The following RYR1 variants were observed in gnomAD, a reference collection of about 807,000 sequenced individuals.
The protein encoded by RYR1 is ryanodine receptor 1, also known as central core disease of muscle.
RYR1 carries 342 observed loss-of-function variants against 583.5 expected under a neutral mutation model. The observed-to-expected ratio is 0.59, with a 90% CI of 0.54 to 0.64. RYR1 has a LOEUF of 0.64. Ranked by LOEUF, RYR1 falls within the 30% of genes least tolerant of loss-of-function variation. The pLI, the probability that RYR1 is intolerant of heterozygous loss-of-function variation, is 0.00. For missense variants in RYR1, 6,032 were observed against 6,917.2 expected (o/e 0.87, Z 4.54); for synonymous variants, 2,791 against 2,822.5 (o/e 0.99, Z 0.35).
intron 29 of RYR1, among the ~76,000 whole-genome samples, chr19:38,476,632 T>A (rs776829688): frequency 3.9e-5 from 6 of 152,132 alleles, no homozygotes; most frequent in Non-Finnish European, 8.8e-5. Context: ...CGCGTTCGGC[T>A]GTAGATTCTT....
rs372468731 is a variant in RYR1, at chr19:38,464,706, A to T, written c.2854A>T (p.Thr952Ser). ...GAAGGCGGAGGACAACCTGAAGAAG[A>T]CAAAACTCCCCAAGACGTGAGTGTG... ...DEKAEDNLKK[T>S]KLPKTYMMSN... is the part of the protein sequence containing the mutation. Residue 952 changes from threonine (T) to serine (S), a missense_variant, in exon 23 of 106, where the codon ACA becomes TCA. Physicochemically the swap from Thr to Ser is moderately conservative, Grantham distance 58 (BLOSUM62 1). This residue lies in a region of RYR1 where 2,627 missense variants were observed against 2,961.3 expected (regional missense o/e 0.89). Transcript: ENST00000359596. 6.9e-6 allele frequency: 11 copies of T among 1,588,220 alleles called. No homozygotes were observed. The African/African-American group carries it at 1.5e-4, about 21-fold the overall frequency.
rs750516506 is a variant in RYR1, at chr19:38,525,402, T to C, written c.10526T>C (p.Leu3509Pro). 7 of 1,613,850 alleles carry C rather than the reference T, an allele frequency of 4.3e-6. No individual in the cohort carries two copies. In the African/African-American group the frequency reaches 8.0e-5, roughly 18 times the overall value. The change falls in exon 71 of 106, where the codon CTG (leucine) becomes CCG (proline). Residue 3509 changes from leucine (L) to proline (P), a missense_variant. Coordinates refer to ENST00000359596, the MANE Select transcript of RYR1 (RefSeq NM_000540.3). ...GACCGGTACTCTGTGCAGACGTCAC[T>C]GATCGTGGCCACACTGAAGAAGATG... ...RGDRYSVQTS[L>P]IVATLKKMLP...
intron 18 of RYR1, among the ~76,000 whole-genome samples, chr19:38,458,831 GC>G (rs1276000229): frequency 6.6e-6 from 1 of 152,098 alleles, no homozygotes; most frequent in Non-Finnish European, 1.5e-5. Flanking sequence ...CACCACATTG[GC>G]CAGGCTGGTC....
intron 96 of RYR1, among the ~76,000 whole-genome samples, chr19:38,574,118 G>A (rs1325914994): frequency 6.6e-6 from 1 of 152,094 alleles, no homozygotes; most frequent in South Asian, 2.1e-4. Flanking sequence ...ACAAAAAGTA[G>A]GCATGGTGGT....
rs1243720288 is a variant in RYR1, at chr19:38,543,089, G to A, written c.11690-258G>A. The stretch of plus-strand genomic sequence containing the variant: ...ACTCCTGACCTCAGGTGATCTGCCT[G>A]CCTGGGCCTCCCAAAGTGCTGGAAT... On this transcript the variant is annotated intron_variant, in intron 84 of 105. Transcript: ENST00000359596. This position sits in a 1 kb window ranked among gnomAD's most constrained non-coding sequence, Gnocchi z 4.4. Among the ~76,000 whole-genome samples the A allele has an allele frequency of 1.3e-5, 2 of 150,950 alleles. No homozygotes were observed. Among genetic ancestry groups the A allele is most frequent in the East Asian group, 4.0e-4 (2 of 5,054 alleles).
chr19:38,485,775 G>A lies in RYR1; in HGVS notation c.5120G>A (p.Arg1707His), dbSNP rs371566475. 5.0e-6 allele frequency: 8 copies of A among 1,613,072 alleles called. No individual in the cohort carries two copies. Among genetic ancestry groups the A allele is most frequent in the African/African-American group, 2.7e-5 (2 of 74,932 alleles). Residue 1707 changes from arginine to histidine, a missense_variant, in exon 34 of 106, where the codon CGC becomes CAC. This residue lies in a region of RYR1 where 2,627 missense variants were observed against 2,961.3 expected (regional missense o/e 0.89). Coordinates refer to ENST00000359596, the MANE Select transcript of RYR1 (RefSeq NM_000540.3). The part of the protein sequence containing the change: ...LEDAHLPGPL[R>H]AGYYDLLISI... ...GACGCGCACCTGCCAGGCCCACTGC[G>A]CGCAGGCTACTATGACCTCCTCATC...
intron 93 of RYR1, among the ~76,000 whole-genome samples, chr19:38,570,389 T>C (rs1973660623): frequency 6.6e-6 from 1 of 152,028 alleles, no homozygotes; most frequent in East Asian, 1.9e-4. Flanking sequence ...GCGGCAGAGG[T>C]TGCAGTGAGC....
At chr19:38,504,198 T>C (rs753497534) in intron 49 of RYR1, 22 bp from the exon 50 acceptor site, 1 of 1,601,862 alleles carries the variant, frequency 6.2e-7, no homozygotes, top group Non-Finnish European at 8.5e-7. Flanking sequence ...CATTTGTGTG[T>C]CCCCCTCTTG....
rs763042731 is a variant in RYR1, at chr19:38,548,356, C to T, written c.12218C>T (p.Ser4073Phe). The T allele has an allele frequency of 3.7e-6, 6 of 1,614,066 alleles. No homozygotes were observed. Among genetic ancestry groups the T allele is most frequent in the African/African-American group, 1.3e-5 (1 of 74,930 alleles). Residue 4073 changes from serine (S) to phenylalanine (F), a missense_variant, in exon 89 of 106, where the codon TCT (serine) becomes TTT (phenylalanine). Ser to Phe is a radical substitution (Grantham distance 155). Around this residue, in one of 11 missense-constraint regions of RYR1, gnomAD observed 753 missense variants for 759.6 expected, o/e 0.99. Transcript: ENST00000359596. ...MFLKLKDIVG[S>F]EAFQDYVTDP... ...CTGAAACTCAAGGACATTGTGGGCT[C>T]TGAAGCCTTCCAGGACTACGTAACG...
chr19:38,459,269 A>G lies in RYR1; in HGVS notation c.2291A>G (p.Gln764Arg), dbSNP rs1435625875. ...TTCCGCATCAACGGCTGCCCCGTGC[A>G]GGGTGTCTTTGAGTCCTTCAACCTG... ...ISFRINGCPV[Q>R]GVFESFNLDG... The change falls in exon 19 of 106, where the codon CAG becomes CGG. Residue 764 changes from glutamine to arginine, a missense_variant. Gln to Arg is a conservative substitution (Grantham distance 43). This residue lies in a region of RYR1 where 2,627 missense variants were observed against 2,961.3 expected (regional missense o/e 0.89). Transcript: ENST00000359596. 2 of 1,614,048 alleles carry G rather than the reference A, an allele frequency of 1.2e-6. No homozygotes were observed. Among genetic ancestry groups the G allele is most frequent in the East Asian group, 2.2e-5 (1 of 44,856 alleles).
chr19:38,476,044 A>T (rs1250227462), intron 29 of RYR1, among the ~76,000 whole-genome samples: 1 of 151,624 alleles, frequency 6.6e-6, no homozygotes, highest in African/African-American at 2.4e-5. Context: ...TATTTTTGAG[A>T]TGGAGTCTTG....
chr19:38,491,188 CTT>C (rs1484019134), intron 37 of RYR1, among the ~76,000 whole-genome samples: 1 of 152,136 alleles, frequency 6.6e-6, no homozygotes. Context: ...AAGATTTTCT[CTT>C]TGTCTTTGCC....
At position 38,455,320 on chromosome 19, in the gene RYR1, A is replaced by T. The variant is rs1188530754; in HGVS notation, c.1526A>T (p.Glu509Val). ...AAHFAEFAGE[E>V]AAESWKEIVN... ...CACTTTGCTGAGTTTGCAGGGGAGG[A>T]GGCAGCCGAGTCCTGGAAAGAGATT... Residue 509 changes from glutamate (E) to valine (V), a missense_variant, in exon 14 of 106, where the codon GAG (glutamate) becomes GTG (valine). By Grantham distance (121) the Glu-to-Val change is moderately radical. Transcript: ENST00000359596. The T allele has an allele frequency of 6.2e-7, 1 of 1,613,968 alleles. No individual in the cohort carries two copies. The highest frequency in any genetic ancestry group is 2.2e-5 in the East Asian group (1 of 44,878).
At position 38,444,064 on chromosome 19, in the gene RYR1, A is replaced by G; in HGVS notation, c.425-85A>G. ...GAGAGTTGTGGGCCAAGGGCCCGGGAGGCCTGGTGGAGGGAGAGCCCTGGG... is the reference window on the plus strand; with the variant it reads ...GAGAGTTGTGGGCCAAGGGCCCGGGGGGCCTGGTGGAGGGAGAGCCCTGGG... On this transcript the variant is annotated intron_variant, in intron 5 of 105. Coordinates refer to ENST00000359596, the MANE Select transcript of RYR1 (RefSeq NM_000540.3). This position sits in a 1 kb window ranked among gnomAD's most constrained non-coding sequence, Gnocchi z 5.1. 8.5e-7 allele frequency: 1 copy of G among 1,171,996 alleles called. No homozygotes were observed. The highest frequency in any genetic ancestry group is 1.3e-6 in the Non-Finnish European group (1 of 779,476). The allele number at this position is 1,171,996 out of a possible 1,614,324, so 72.6% of individuals were successfully genotyped here.
intron 33 of RYR1, 35 bp from the exon 34 acceptor site, chr19:38,485,555 C>A: frequency 6.2e-7 from 1 of 1,604,704 alleles, no homozygotes; most frequent in South Asian, 1.1e-5. Flanking sequence ...GAGGCTCATT[C>A]ATCTGTCCCT....
At chr19:38,504,457 A>T (rs1568509900) in intron 50 of RYR1, 97 bp downstream of exon 50, 2 of 1,467,490 alleles carry the variant, frequency 1.4e-6, no homozygotes, top group East Asian at 4.7e-5. Flanking sequence ...GGGGGGTTCA[A>T]GGAGGAGAAG....
rs1969277827 is a variant in RYR1, at chr19:38,486,083, A to G, written c.5428A>G (p.Lys1810Glu). The stretch of plus-strand genomic sequence containing the variant: ...CATCCCGCTGGAGGCCCTGCGGGAC[A>G]AGGCACTGAGGATGCTGGGGGAGGC... ...PAIPLEALRD[K>E]ALRMLGEAVR... The change falls in exon 34 of 106, where the codon AAG becomes GAG. Residue 1810 changes from lysine (K) to glutamate (E), a missense_variant. Around this residue, in one of 11 missense-constraint regions of RYR1, gnomAD observed 2,627 missense variants for 2,961.3 expected, o/e 0.89. Coordinates refer to ENST00000359596, the MANE Select transcript of RYR1 (RefSeq NM_000540.3). 3.1e-6 allele frequency: 5 copies of G among 1,612,724 alleles called. No homozygotes were observed. The highest frequency in any genetic ancestry group is 3.4e-6 in the Non-Finnish European group (4 of 1,179,444).
At chr19:38,442,768 A>G (rs1972756152) in intron 3 of RYR1, among the ~76,000 whole-genome samples, 1 of 152,102 alleles carries the variant, frequency 6.6e-6, no homozygotes, top group Non-Finnish European at 1.5e-5. Flanking sequence ...AGAACAGGCC[A>G]GGCAGGAAGG....
At chr19:38,523,176 G>A (rs1429524966) in intron 68 of RYR1, 41 bp from the exon 69 acceptor site, 32 of 1,613,996 alleles carry the variant, frequency 2.0e-5, no homozygotes, top group Non-Finnish European at 2.5e-5. Context: ...ACAGGCGCCT[G>A]CCTTCACCTG....
Sources: allele counts gnomAD v4.1 joint callset (sites outside exome capture counted in the v4.1 genomes callset), GRCh38; gene constraint gnomAD v4.1.1; regional missense constraint gnomAD v4.1.1; non-coding constraint Gnocchi (gnomAD v3.1); transcripts MANE v1.5; gene names NCBI Gene and HGNC (gene_info 2026-07-23, HGNC 2026-07-21).